NUP58: variants seen among roughly 807,000 people sequenced by gnomAD.
NUP58 encodes nucleoporin 58, also known as nucleoporin p58/p45.
NUP58 carries 17 observed loss-of-function variants against 70.1 expected under a neutral mutation model. The observed-to-expected ratio is 0.24, with a 90% CI of 0.17 to 0.36. NUP58 has a LOEUF of 0.36. NUP58 is among the 10% of genes least tolerant of loss of function. NUP58 has a pLI of 1.00. For synonymous variants in NUP58, 275 were observed against 257.6 expected, an observed-to-expected ratio of 1.07 and a Z score of -0.65; for missense variants, 644 against 701.5, an observed-to-expected ratio of 0.92 and a Z score of 0.93.
At position 25,340,016 on chromosome 13, in the gene NUP58, C is replaced by T. The variant is rs372417090; in HGVS notation, c.1682C>T (p.Thr561Met). Residue 561 changes from threonine (T) to methionine (M), a missense_variant, in exon 16 of 16, where the codon ACG becomes ATG. By Grantham distance (81) the Thr-to-Met change is moderately conservative (BLOSUM62 -1). Coordinates refer to ENST00000381736, the MANE Select transcript of NUP58 (RefSeq NM_014089.4). Reference protein sequence around the residue: ...SGFNFSNPGITASAGLTFGVS... With the variant: ...SGFNFSNPGIMASAGLTFGVS... ...TTTAACTTCAGCAATCCTGGCATCA[C>T]GGCATCAGCTGGTTTGACTTTTGGG... 5.0e-6 allele frequency: 8 copies of T among 1,612,772 alleles called. No homozygotes were observed. The highest frequency in any genetic ancestry group is 1.7e-5 in the Admixed American group (1 of 59,782).
chr13:25,327,421 C>T lies in NUP58; in HGVS notation c.1151-9C>T. The T allele has an allele frequency of 6.4e-7, 1 of 1,571,810 alleles. No individual in the cohort carries two copies. On this transcript the variant is annotated splice_polypyrimidine_tract_variant and intron_variant, in intron 11 of 15. Transcript: ENST00000381736. ...TATATTTGGGTGATAATGTAATTTT[C>T]TTTTATAGATTTGTCAATGGCTATG...
intron 6 of NUP58, among the ~76,000 whole-genome samples, chr13:25,316,096 A>G (rs2030916755): frequency 6.6e-6 from 1 of 152,172 alleles, no homozygotes. Flanking sequence ...AAATTGGATC[A>G]TTGGCTTAAA....
At chr13:25,318,906 C>T (rs2031058535) in intron 6 of NUP58, among the ~76,000 whole-genome samples, 1 of 152,314 alleles carries the variant, frequency 6.6e-6, no homozygotes, top group South Asian at 2.1e-4. Flanking sequence ...AGGAGTTAAA[C>T]TGGTAGGCAA....
chr13:25,308,915 T>C (rs772790559), intron 2 of NUP58, among the ~76,000 whole-genome samples: 1 of 152,238 alleles, frequency 6.6e-6, no homozygotes, highest in African/African-American at 2.4e-5. Context: ...GGAATAAATA[T>C]GAGCAGATTA....
chr13:25,329,654 A>G (rs1336572465), intron 12 of NUP58, among the ~76,000 whole-genome samples: 2 of 152,112 alleles, frequency 1.3e-5, no homozygotes, highest in Non-Finnish European at 2.9e-5. Context: ...TCTTGTAGAA[A>G]TCTCACAAGA....
At chr13:25,330,203 A>G (rs1395122335) in intron 12 of NUP58, among the ~76,000 whole-genome samples, 1 of 152,200 alleles carries the variant, frequency 6.6e-6, no homozygotes, top group Non-Finnish European at 1.5e-5. Flanking sequence ...AAGTAGAACT[A>G]AAATTTATGG....
Position 25,341,991 on chromosome 13 carries a change from A to G in NUP58, c.*1857A>G, listed in dbSNP as rs968477327. The G allele has an allele frequency of 6.6e-6, 1 of 152,196 alleles. No individual in the cohort carries two copies. The highest frequency in any genetic ancestry group is 6.5e-5 in the Admixed American group (1 of 15,276). 9.4% of individuals were successfully genotyped at this position (152,196 alleles called of 1,614,324 possible). A position where few individuals can be genotyped will look rare whatever the true frequency, so the allele number is the denominator to read the frequency against. The stretch of plus-strand genomic sequence containing the variant: ...GTTGTCAAATGTTTTATTTATCTGC[A>G]TATAGCAGTGGTTGGCTTTTTTGAA... On this transcript the variant is annotated 3_prime_UTR_variant, in exon 16 of 16. Coordinates refer to ENST00000381736, the MANE Select transcript of NUP58 (RefSeq NM_014089.4).
downstream of NUP58, among the ~76,000 whole-genome samples, chr13:25,345,666 T>C (rs2032041002): frequency 6.6e-6 from 1 of 152,086 alleles, no homozygotes; most frequent in Admixed American, 6.5e-5. Flanking sequence ...AAGAGAAGTT[T>C]AACAAGAAAA....
intron 13 of NUP58, chr13:25,332,334 G>A (rs1350666046): frequency 1.0e-6 from 1 of 985,166 alleles, no homozygotes; most frequent in Non-Finnish European, 1.2e-6. Context: ...GTTTTATTTG[G>A]TCCTGTGTCT....
At position 25,313,606 on chromosome 13, in the gene NUP58, T is replaced by C. The variant is rs1237236255; in HGVS notation, c.437-8T>C. 2 of 1,487,320 alleles carry C rather than the reference T, an allele frequency of 1.3e-6. No individual in the cohort carries two copies. The highest frequency in any genetic ancestry group is 1.5e-5 in the African/African-American group (1 of 67,610). 92.1% of individuals were successfully genotyped at this position (1,487,320 alleles called of 1,614,324 possible). ...CCTTTTGAAAGCTTACTATCTCTCT[T>C]TTTATAGCATCCACAGGATTTACTC... On this transcript the variant is annotated splice_region_variant and splice_polypyrimidine_tract_variant and intron_variant, in intron 4 of 15. Coordinates refer to ENST00000381736, the MANE Select transcript of NUP58 (RefSeq NM_014089.4).
At chr13:25,346,242 G>A (rs138851258), downstream of NUP58, among the ~76,000 whole-genome samples, 4 of 152,250 alleles carry the variant, frequency 2.6e-5, no homozygotes, top group East Asian at 3.9e-4. Context: ...CCTCAATCCC[G>A]TGAGCTGGGT....
intron 1 of NUP58, among the ~76,000 whole-genome samples, chr13:25,302,716 C>T (rs1460160601): frequency 6.6e-6 from 1 of 152,068 alleles, no homozygotes; most frequent in Admixed American, 6.6e-5. Context: ...CAAGATACTT[C>T]CTGAAGCTTA....
intron 12 of NUP58, 146 bp downstream of exon 12, chr13:25,327,658 C>A: frequency 1.9e-6 from 1 of 528,440 alleles, no homozygotes; most frequent in South Asian, 3.2e-5. Context: ...CCATAACATA[C>A]CCAGACATAA....
At chr13:25,335,938 A>G (rs913777791) in intron 13 of NUP58, 92 of 1,101,346 alleles carry the variant, frequency 8.4e-5, no homozygotes, top group Non-Finnish European at 1.0e-4. Flanking sequence ...ATTTATCCAA[A>G]TGAGAGATTT....
downstream of NUP58, among the ~76,000 whole-genome samples, chr13:25,347,110 A>G (rs2032059727): frequency 6.6e-6 from 1 of 152,152 alleles, no homozygotes; most frequent in Non-Finnish European, 1.5e-5. Context: ...TATTTTAAAT[A>G]ATTTTTTGTG....
downstream of NUP58, among the ~76,000 whole-genome samples, chr13:25,345,055 ATCACATCC>A (rs1003305894): frequency 6.6e-6 from 1 of 152,166 alleles, no homozygotes; most frequent in Non-Finnish European, 1.5e-5. Flanking sequence ...TGCCTCTTAC[ATCACATCC>A]CCATTTATTG....
At position 25,307,825 on chromosome 13, in the gene NUP58, A is replaced by C. The variant is rs2030447800; in HGVS notation, c.127A>C (p.Asn43His). 4.3e-6 allele frequency: 7 copies of C among 1,614,114 alleles called. No individual in the cohort carries two copies. Among genetic ancestry groups the C allele is most frequent in the Non-Finnish European group, 5.9e-6 (7 of 1,180,006 alleles). The stretch of plus-strand genomic sequence containing the variant: ...AATAAGCAACCCTTCTGTGGGGCTC[A>C]ATTTTGGAAATCTTGGAAGTACTTC... ...GASSNPSVGLNFGNLGSTSTP... is the reference protein window; with the variant it reads ...GASSNPSVGLHFGNLGSTSTP... The change falls in exon 2 of 16, where the codon AAT becomes CAT. Residue 43 changes from asparagine to histidine, a missense_variant. Physicochemically the swap from Asn to His is moderately conservative, Grantham distance 68. Transcript: ENST00000381736.
rs2031024497 is a variant in NUP58 at position 25,318,191 on chromosome 13, A to C, written c.686-1135A>C. 1.3e-5 allele frequency among the ~76,000 whole-genome samples: 2 copies of C among 151,932 alleles called. 1 individual carries two copies. Among genetic ancestry groups the C allele is most frequent in the Non-Finnish European group, 2.9e-5 (2 of 67,976 alleles). ...AAAAATGCAAAAGCTAGCCGGGCAC[A>C]GTGGCAGGCACCTGTAATCCCAGCT... On this transcript the variant is annotated intron_variant, in intron 6 of 15. Transcript: ENST00000381736.
At position 25,303,169 on chromosome 13, in the gene NUP58, A is replaced by C. The variant is rs2030117844; in HGVS notation, c.107+1289A>C. On this transcript the variant is annotated intron_variant, in intron 1 of 15. Transcript: ENST00000381736. ...ATTTTAGCCAGAGTAATTGAAAAACAAAATTCCCATTGCTCTCTCTTTAAT... is the reference window on the plus strand; with the variant it reads ...ATTTTAGCCAGAGTAATTGAAAAACCAAATTCCCATTGCTCTCTCTTTAAT... 37 of 447,706 alleles carry C rather than the reference A, an allele frequency of 8.3e-5. 1 individual carries two copies. Among genetic ancestry groups the C allele is most frequent in the South Asian group, 5.9e-4 (37 of 62,624 alleles). 27.7% of individuals were successfully genotyped at this position (447,706 alleles called of 1,614,324 possible).
Sources: allele counts gnomAD v4.1 joint callset (sites outside exome capture counted in the v4.1 genomes callset), GRCh38; gene constraint gnomAD v4.1.1; transcripts MANE v1.5; gene names NCBI Gene and HGNC (gene_info 2026-07-23, HGNC 2026-07-21).